The following IL1RAPL2 variants were observed in gnomAD, a reference collection of about 807,000 sequenced individuals.
IL1RAPL2 encodes interleukin 1 receptor accessory protein like 2.
In IL1RAPL2, 3 loss-of-function variants were observed where a neutral mutation model predicts 44.1. The ratio of observed to expected loss-of-function variants is 0.07; its 90% CI spans 0.03 to 0.18. The LOEUF is 0.18. Ranked by LOEUF, IL1RAPL2 falls within the 10% of genes least tolerant of loss-of-function variation. The pLI is 1.00. For missense variants in IL1RAPL2, 391 were observed against 496.4 expected, an observed-to-expected ratio of 0.79 and a Z score of 2.02; for synonymous variants, 181 against 178.8, an observed-to-expected ratio of 1.01 and a Z score of -0.10.
intron 5 of IL1RAPL2, among the ~76,000 whole-genome samples, chrX:105,338,594 T>A (rs758281082): frequency 1.1e-4 from 12 of 111,975 alleles, no homozygotes; most frequent in Non-Finnish European, 1.7e-4. Context: ...ATCATAGCAT[T>A]GCATATAGGC....
At chrX:104,908,727 GC>G (rs1226561976) in intron 2 of IL1RAPL2, among the ~76,000 whole-genome samples, 1 of 109,369 alleles carries the variant, frequency 9.1e-6, no homozygotes, top group Non-Finnish European at 1.9e-5. Flanking sequence ...CTCTCTGGCT[GC>G]CCTTAACATT....
At chrX:104,731,512 C>G (rs1200028512) in intron 2 of IL1RAPL2, among the ~76,000 whole-genome samples, 7 of 111,355 alleles carry the variant, frequency 6.3e-5, no homozygotes, top group Non-Finnish European at 1.3e-4. Context: ...AAGTGATTCT[C>G]CTTTCTCAGC....
intron 6 of IL1RAPL2, among the ~76,000 whole-genome samples, chrX:105,663,561 A>T (rs141116719): frequency 8.9e-6 from 1 of 112,022 alleles, no homozygotes; most frequent in Non-Finnish European, 1.9e-5. Context: ...GCTGCCAATC[A>T]TCTTCATGTG....
At position 104,750,057 on chromosome X, in the gene IL1RAPL2, T is replaced by C. The variant is rs1244697065; in HGVS notation, c.82+91062T>C. Among the ~76,000 whole-genome samples the C allele has an allele frequency of 2.7e-5, 3 of 111,900 alleles. No homozygotes were observed. In the East Asian group the frequency reaches 8.5e-4, roughly 32 times the overall value. ...ATTGATTCTTCTGAGAACTGGATGA[T>C]ATTTATACTTTTCTGAGGCTTGCTC... On this transcript the variant is annotated intron_variant, in intron 2 of 10. Transcript: ENST00000372582.
At chrX:105,528,872 G>A (rs938738378) in intron 6 of IL1RAPL2, among the ~76,000 whole-genome samples, 2 of 110,811 alleles carry the variant, frequency 1.8e-5, no homozygotes, top group Admixed American at 9.6e-5. Flanking sequence ...TTTCTGATCC[G>A]GAATCCAAGC....
intron 2 of IL1RAPL2, among the ~76,000 whole-genome samples, chrX:105,175,950 T>G (rs1232283866): frequency 1.8e-5 from 2 of 110,988 alleles, no homozygotes; most frequent in Non-Finnish European, 3.8e-5. Flanking sequence ...ATGACCTGAA[T>G]TATAATAATT....
intron 2 of IL1RAPL2, among the ~76,000 whole-genome samples, chrX:105,094,536 C>T (rs2032581978): frequency 9.0e-6 from 1 of 111,414 alleles, no homozygotes; most frequent in South Asian, 3.7e-4. Flanking sequence ...AGTTCTACTC[C>T]ATTGATCTAT....
rs1171450909 is a variant in IL1RAPL2 at position 105,084,164 on chromosome X, G to A, written c.83-111311G>A. Among the ~76,000 whole-genome samples the A allele has an allele frequency of 1.8e-5, 2 of 112,553 alleles. 1 individual carries two copies. The highest frequency in any genetic ancestry group is 1.9e-4 in the Admixed American group (2 of 10,705). ...GGAGAACCTCTGCTAAGGCAGTGTG[G>A]AAGGAAAAAATGTAGGGTAGGATTC... On this transcript the variant is annotated intron_variant, in intron 2 of 10. Transcript: ENST00000372582.
At chrX:104,959,153 T>G (rs2029956426) in intron 2 of IL1RAPL2, among the ~76,000 whole-genome samples, 1 of 110,964 alleles carries the variant, frequency 9.0e-6, no homozygotes, top group African/African-American at 3.3e-5. Flanking sequence ...TAAAAAAAAT[T>G]GCAAAGAAAG....
chrX:105,148,852 G>A (rs1478947691), intron 2 of IL1RAPL2, among the ~76,000 whole-genome samples: 3 of 111,553 alleles, frequency 2.7e-5, no homozygotes, highest in Non-Finnish European at 5.6e-5. Flanking sequence ...AATAAAAGAA[G>A]CTCAAAGAAT....
At chrX:105,547,234 A>G (rs1309509222) in intron 6 of IL1RAPL2, among the ~76,000 whole-genome samples, 1 of 112,592 alleles carries the variant, frequency 8.9e-6, no homozygotes, top group Non-Finnish European at 1.9e-5. Flanking sequence ...TCGGAAATGT[A>G]TAGTAAATCC....
chrX:105,286,697 A>C (rs1214106469), intron 5 of IL1RAPL2, among the ~76,000 whole-genome samples: 7 of 110,951 alleles, frequency 6.3e-5, no homozygotes, highest in Non-Finnish European at 1.1e-4. Context: ...ACCTTAGTCA[A>C]GTTATGGAAA....
intron 6 of IL1RAPL2, among the ~76,000 whole-genome samples, chrX:105,549,791 T>A (rs771236954): frequency 6.3e-5 from 7 of 111,619 alleles, no homozygotes; most frequent in African/African-American, 2.3e-4. Context: ...ACCTGCAACA[T>A]TTCTTAACTC....
chrX:105,549,791 T>C (rs771236954), intron 6 of IL1RAPL2, among the ~76,000 whole-genome samples: 18 of 111,670 alleles, frequency 1.6e-4, no homozygotes, highest in South Asian at 1.5e-3. Flanking sequence ...ACCTGCAACA[T>C]TTCTTAACTC....
At chrX:105,352,092 T>A (rs2035160156) in intron 5 of IL1RAPL2, among the ~76,000 whole-genome samples, 1 of 103,625 alleles carries the variant, frequency 9.7e-6, no homozygotes, top group African/African-American at 4.3e-5. Context: ...CCAGCTAATT[T>A]AAAAAACAAT....
At chrX:105,339,029 G>A (rs1325131953) in intron 5 of IL1RAPL2, among the ~76,000 whole-genome samples, 1 of 111,831 alleles carries the variant, frequency 8.9e-6, no homozygotes, top group Non-Finnish European at 1.9e-5. Context: ...CTTGAACCCA[G>A]GAGGCAGAGG....
intron 2 of IL1RAPL2, among the ~76,000 whole-genome samples, chrX:104,716,763 C>T (rs1317382260): frequency 9.0e-6 from 1 of 111,502 alleles, no homozygotes; most frequent in Non-Finnish European, 1.9e-5. Context: ...ATTAAAAAGT[C>T]AAAAAATAAC....
intron 2 of IL1RAPL2, among the ~76,000 whole-genome samples, chrX:105,172,578 C>G (rs1252408184): frequency 9.0e-6 from 1 of 111,267 alleles, no homozygotes; most frequent in Non-Finnish European, 1.9e-5. Flanking sequence ...CAAGTGTCCC[C>G]CCTCCATCTT....
In IL1RAPL2 at chrX:105,677,087, T is replaced by G. The variant is rs1020509050; in HGVS notation, c.773-40280T>G. 7.1e-5 allele frequency among the ~76,000 whole-genome samples: 8 copies of G among 112,244 alleles called. No individual in the cohort carries two copies. The Admixed American group carries it at 7.6e-4, about 11-fold the overall frequency. ...TTTATTAAAAGTGTTTATTAACACTTCTGTTACATTTAAAAGACATGTTAC... is the reference window on the plus strand; with the variant it reads ...TTTATTAAAAGTGTTTATTAACACTGCTGTTACATTTAAAAGACATGTTAC... On this transcript the variant is annotated intron_variant, in intron 6 of 10. Coordinates refer to ENST00000372582, the MANE Select transcript of IL1RAPL2 (RefSeq NM_017416.2).
Sources: allele counts gnomAD v4.1 joint callset (sites outside exome capture counted in the v4.1 genomes callset), GRCh38; gene constraint gnomAD v4.1.1; transcripts MANE v1.5; gene names NCBI Gene and HGNC (gene_info 2026-07-23, HGNC 2026-07-21).